EPHA4: variants seen among roughly 807,000 people sequenced by gnomAD.
The protein encoded by EPHA4 is ephrin type-A receptor 4.
Under a neutral mutation model 108.3 loss-of-function variants are expected in EPHA4, and 19 were observed. The observed-to-expected ratio is 0.18, with a 90% confidence interval of 0.12 to 0.26. The LOEUF is 0.26. Among genes scored for constraint, EPHA4 ranks in the 10% least tolerant of loss-of-function variants. The pLI is 1.00. For synonymous variants in EPHA4, 449 were observed against 455.5 expected (o/e 0.99, Z 0.18); for missense variants, 917 against 1,254.0 (o/e 0.73, Z 4.06).
intron 4 of EPHA4, among the ~76,000 whole-genome samples, chr2:221,499,760 T>A (rs2392917): frequency 1.3e-3 from 127 of 98,176 alleles, no homozygotes; most frequent in South Asian, 3.0e-3. Flanking sequence ...ATATATATTT[T>A]TTTTTTTTTT....
chr2:221,508,586 GA>G (rs10717814), intron 3 of EPHA4, among the ~76,000 whole-genome samples: 52,699 of 131,046 alleles, frequency 0.4, 9,643 homozygotes, highest in South Asian at 0.55. Flanking sequence ...CTCAAAACAG[GA>G]AAAAAAAAAA....
In EPHA4 at chr2:221,486,735, AAATAATAATAAT is replaced by A. The variant is rs34218724; in HGVS notation, c.980-4057_980-4046del. Among the ~76,000 whole-genome samples, 277 of 139,000 alleles carry A rather than the reference AAATAATAATAAT, an allele frequency of 2.0e-3. 1 individual carries two copies. The highest frequency in any genetic ancestry group is 6.4e-3 in the African/African-American group (241 of 37,890). The allele number at this position is 139,000 out of a possible 152,430, so 91.2% of individuals were successfully genotyped here. A position where few individuals can be genotyped will look rare whatever the true frequency, so the allele number is the denominator to read the frequency against. On this transcript the variant is annotated intron_variant, in intron 4 of 17. Coordinates refer to ENST00000281821, the MANE Select transcript of EPHA4 (RefSeq NM_004438.5). ...GGTAACAGAGTGAGACTCTGTCTCA[AAATAATAATAAT>A]AATAATAATAATAATAATAATAATA... is the stretch of plus-strand genomic sequence containing the variant.
At chr2:221,426,726 G>A in intron 15 of EPHA4, 107 bp from the exon 16 acceptor site, 2 of 1,039,354 alleles carry the variant, frequency 1.9e-6, no homozygotes, top group Non-Finnish European at 2.8e-6. Flanking sequence ...AAAGCTAAGG[G>A]AAGGTTTTAA....
chr2:221,482,378 G>A lies in EPHA4; in HGVS notation c.1292C>T (p.Ser431Phe), dbSNP rs754376727. The stretch of plus-strand genomic sequence containing the variant: ...TGCTTGGTTGGTGGTCACAGTGACA[G>A]AAACTGATTGGTCTGGGTTAGGGTT... ...KYNPNPDQSVSVTVTTNQAAP... is the reference protein window; with the variant it reads ...KYNPNPDQSVFVTVTTNQAAP... The change falls in exon 5 of 18, where the codon TCT becomes TTT. Residue 431 changes from serine to phenylalanine, a missense_variant. Around this residue, in one of 3 missense-constraint regions of EPHA4, gnomAD observed 758 missense variants for 1,076.7 expected, o/e 0.70. Coordinates refer to ENST00000281821, the MANE Select transcript of EPHA4 (RefSeq NM_004438.5). 7 of 1,609,502 alleles carry A rather than the reference G, an allele frequency of 4.3e-6. No homozygotes were observed. The Admixed American group carries it at 1.2e-4, about 27-fold the overall frequency.
intron 8 of EPHA4, among the ~76,000 whole-genome samples, chr2:221,452,457 C>A (rs1235146175): frequency 1.3e-5 from 2 of 152,224 alleles, no homozygotes; most frequent in African/African-American, 4.8e-5. Context: ...TTCACCTGTT[C>A]TTGTCCCATT....
intron 4 of EPHA4, among the ~76,000 whole-genome samples, chr2:221,492,600 C>G (rs1186661083): frequency 6.6e-6 from 1 of 152,144 alleles, no homozygotes; most frequent in Non-Finnish European, 1.5e-5. Flanking sequence ...TGCTGAAAGG[C>G]AATCCGAAAG....
At chr2:221,546,259 A>G (rs543223670) in intron 3 of EPHA4, among the ~76,000 whole-genome samples, 2 of 152,232 alleles carry the variant, frequency 1.3e-5, no homozygotes, top group Non-Finnish European at 2.9e-5. Context: ...TTAAGTTGGG[A>G]GTAGGTTTGG....
chr2:221,437,961 C>G (rs112489031), intron 11 of EPHA4, among the ~76,000 whole-genome samples: 233 of 152,126 alleles, frequency 1.5e-3, no homozygotes, highest in African/African-American at 5.4e-3. Flanking sequence ...TGCGACTTCT[C>G]TCCACTGTCT....
At chr2:221,423,887 A>G (rs1024016371) in intron 17 of EPHA4, among the ~76,000 whole-genome samples, 45 of 152,304 alleles carry the variant, frequency 3.0e-4, no homozygotes, top group African/African-American at 1.1e-3. Context: ...AGGCTGAGGC[A>G]GGTGGACTGT....
chr2:221,456,519 AT>A, intron 7 of EPHA4, 93 bp downstream of exon 7: 1 of 1,371,300 alleles, frequency 7.3e-7, no homozygotes, highest in South Asian at 1.6e-5. Context: ...TGAACCAAAA[AT>A]TACAGACAAC....
chr2:221,485,551 A>C (rs551924661), intron 4 of EPHA4, among the ~76,000 whole-genome samples: 2 of 152,312 alleles, frequency 1.3e-5, no homozygotes, highest in East Asian at 3.9e-4. Flanking sequence ...CATATGATAG[A>C]GGGGAAAACA....
chr2:221,557,882 G>A (rs535436743), intron 3 of EPHA4, among the ~76,000 whole-genome samples: 1 of 152,138 alleles, frequency 6.6e-6, no homozygotes, highest in Non-Finnish European at 1.5e-5. Context: ...AAATTCATAT[G>A]TCCAAGATAA....
chr2:221,451,158 G>A (rs775854287), intron 8 of EPHA4, among the ~76,000 whole-genome samples: 1 of 152,130 alleles, frequency 6.6e-6, no homozygotes, highest in Non-Finnish European at 1.5e-5. Flanking sequence ...AGGTCTCAGT[G>A]AGCTGAGACT....
In EPHA4 at chr2:221,548,435, C is replaced by T. The variant is rs183578449; in HGVS notation, c.823+15296G>A. Among the ~76,000 whole-genome samples the T allele has an allele frequency of 5.3e-5, 8 of 152,138 alleles. No homozygotes were observed. The East Asian group carries it at 7.7e-4, about 15-fold the overall frequency. Reference sequence around the variant, plus strand: ...CACTCTCACCATGTGAATGCCTGTTCGCCTTTGCCTTGGGACATGAGTAAA... The same window carrying T: ...CACTCTCACCATGTGAATGCCTGTTTGCCTTTGCCTTGGGACATGAGTAAA... On this transcript the variant is annotated intron_variant, in intron 3 of 17. Coordinates refer to ENST00000281821, the MANE Select transcript of EPHA4 (RefSeq NM_004438.5).
intron 3 of EPHA4, among the ~76,000 whole-genome samples, chr2:221,540,865 C>T (rs899130923): frequency 4.6e-5 from 7 of 150,602 alleles, no homozygotes; most frequent in Non-Finnish European, 7.4e-5. Flanking sequence ...AGCTGGAATT[C>T]GGGGGATTAC....
chr2:221,475,474 A>G (rs989856516), intron 5 of EPHA4, among the ~76,000 whole-genome samples: 30 of 152,250 alleles, frequency 2.0e-4, no homozygotes, highest in Non-Finnish European at 2.6e-4. Context: ...TGCCAAAACA[A>G]TATTCCACAA....
chr2:221,422,829 G>A (rs1689795254), intron 17 of EPHA4, among the ~76,000 whole-genome samples: 1 of 152,160 alleles, frequency 6.6e-6, no homozygotes, highest in African/African-American at 2.4e-5. Flanking sequence ...CATTGCAATA[G>A]AATTTTACTT....
At chr2:221,480,808 T>A (rs536058757) in intron 5 of EPHA4, among the ~76,000 whole-genome samples, 32 of 152,356 alleles carry the variant, frequency 2.1e-4, no homozygotes, top group Admixed American at 1.5e-3. Context: ...CTTAACTTTT[T>A]ATTTATTCCA....
At position 221,482,399 on chromosome 2, in the gene EPHA4, G is replaced by C; in HGVS notation, c.1271C>G (p.Pro424Arg). The change falls in exon 5 of 18, where the codon CCT becomes CGT. Residue 424 changes from proline to arginine, a missense_variant. Around this residue, in one of 3 missense-constraint regions of EPHA4, gnomAD observed 758 missense variants for 1,076.7 expected, o/e 0.70. Coordinates refer to ENST00000281821, the MANE Select transcript of EPHA4 (RefSeq NM_004438.5). ...GACAGAAACTGATTGGTCTGGGTTA[G>C]GGTTATATTTGGACACTCCATTCAC... ...WAVNGVSKYN[P>R]NPDQSVSVTV... is the part of the protein sequence containing the mutation. The C allele has an allele frequency of 6.2e-7, 1 of 1,613,910 alleles. No homozygotes were observed. Among genetic ancestry groups the C allele is most frequent in the South Asian group, 1.1e-5 (1 of 91,050 alleles).
Sources: gnomAD v4.1 joint callset for allele counts (sites outside exome capture counted in the v4.1 genomes callset) on GRCh38, gnomAD v4.1.1 for gene constraint, gnomAD v4.1.1 regional missense constraint, MANE v1.5 for transcripts, NCBI Gene and HGNC (gene_info 2026-07-23, HGNC 2026-07-21) for gene names.